The following SLCO3A1 variants were observed in gnomAD, a reference collection of about 807,000 sequenced individuals.
SLCO3A1 encodes PGE1 transporter.
In SLCO3A1, 27 loss-of-function variants were observed where a neutral mutation model predicts 63.1. The ratio of observed to expected loss-of-function variants is 0.43; its 90% confidence interval spans 0.32 to 0.59. SLCO3A1 has a LOEUF of 0.59. Among genes scored for constraint, SLCO3A1 ranks in the 20% least tolerant of loss-of-function variants. SLCO3A1 has a pLI of 0.09. For synonymous variants in SLCO3A1, 473 were observed against 409.9 expected, an observed-to-expected ratio of 1.15 and a Z score of -1.86; for missense variants, 773 against 945.8, an observed-to-expected ratio of 0.82 and a Z score of 2.40.
chr15:92,141,107 G>C (rs942773174), intron 7 of SLCO3A1, among the ~76,000 whole-genome samples: 18 of 152,100 alleles, frequency 1.2e-4, no homozygotes, highest in African/African-American at 4.3e-4. Context: ...TTAATATGAA[G>C]TGTCATGGTA....
chr15:91,986,862 A>T (rs987728294), intron 2 of SLCO3A1, among the ~76,000 whole-genome samples: 2 of 152,242 alleles, frequency 1.3e-5, no homozygotes, highest in Non-Finnish European at 2.9e-5. Flanking sequence ...GGTTGAATTT[A>T]AACTTTTAAT....
At chr15:92,147,335 CCCA>C (rs2048240838) in intron 8 of SLCO3A1, among the ~76,000 whole-genome samples, 176 bp downstream of exon 8, 1 of 152,012 alleles carries the variant, frequency 6.6e-6, no homozygotes, top group South Asian at 2.1e-4. Flanking sequence ...ATAGGGACCT[CCCA>C]CCAAGAGAAG....
At chr15:92,003,132 C>T (rs1322769128) in intron 2 of SLCO3A1, among the ~76,000 whole-genome samples, 6 of 152,194 alleles carry the variant, frequency 3.9e-5, no homozygotes, top group Admixed American at 2.6e-4. Flanking sequence ...GCCCAAGTCC[C>T]CCAGCTCTGC....
chr15:91,878,623 C>T (rs1245756459), intron 1 of SLCO3A1, among the ~76,000 whole-genome samples: 5 of 152,190 alleles, frequency 3.3e-5, no homozygotes, highest in African/African-American at 7.2e-5. Context: ...ATTCCTACCA[C>T]ACTCTGTTAT....
intron 2 of SLCO3A1, among the ~76,000 whole-genome samples, chr15:92,077,410 T>G (rs1293556192): frequency 6.6e-6 from 1 of 152,158 alleles, no homozygotes; most frequent in Non-Finnish European, 1.5e-5. Flanking sequence ...ACAGAGTCAT[T>G]TGCCCCGCCG....
At position 91,941,424 on chromosome 15, in the gene SLCO3A1, G is replaced by T; in HGVS notation, c.646+24966G>T. ...AGATCTGTGTCACGGGAGTGGCGCT[G>T]TCACTCGTTGAGGTGGTGGCCTGGT... On this transcript the variant is annotated intron_variant, in intron 2 of 9. Transcript: ENST00000318445. This position sits in a 1 kb window ranked among gnomAD's most constrained non-coding sequence, Gnocchi z 4.4. 2.4e-6 allele frequency: 1 copy of T among 414,952 alleles called. No individual in the cohort carries two copies. The highest frequency in any genetic ancestry group is 4.8e-6 in the Non-Finnish European group (1 of 208,616). 25.7% of individuals were successfully genotyped at this position (414,952 alleles called of 1,614,324 possible).
chr15:92,166,044 T>G (rs1353047020), downstream of SLCO3A1: 1 of 338,100 alleles, frequency 3.0e-6, no homozygotes, highest in Non-Finnish European at 4.2e-6. Flanking sequence ...TTGGGTTTTG[T>G]TTTGTTTTTT....
At chr15:92,171,851 G>A (rs138208260) in exon 11 of SLCO3A1, 5 of 1,551,300 alleles carry the variant, frequency 3.2e-6, no homozygotes, top group African/African-American at 1.4e-5. Flanking sequence ...AGACTCCTTT[G>A]TGAGAAGCTG....
Position 92,094,870 on chromosome 15 carries a change from T to C in SLCO3A1, c.647-11T>C. Reference sequence around the variant, plus strand: ...GTTTTGTAATCTATTTTTTTCTTCATCTTCCTTCAGGAATCCTGTTCACGA... The same window carrying C: ...GTTTTGTAATCTATTTTTTTCTTCACCTTCCTTCAGGAATCCTGTTCACGA... On this transcript the variant is annotated splice_polypyrimidine_tract_variant and intron_variant, in intron 2 of 9. Transcript: ENST00000318445. 1 of 1,597,314 alleles carries C rather than the reference T, an allele frequency of 6.3e-7. No homozygotes were observed. Among genetic ancestry groups the C allele is most frequent in the East Asian group, 2.2e-5 (1 of 44,776 alleles).
intron 6 of SLCO3A1, 82 bp downstream of exon 6, chr15:92,126,341 G>A: frequency 8.3e-7 from 1 of 1,209,640 alleles, no homozygotes; most frequent in Non-Finnish European, 1.2e-6. Flanking sequence ...GAGGGAACCA[G>A]CTTTGTTCCT....
At chr15:92,086,431 G>A (rs1472165189) in intron 2 of SLCO3A1, among the ~76,000 whole-genome samples, 7 of 151,934 alleles carry the variant, frequency 4.6e-5, no homozygotes, top group Non-Finnish European at 1.0e-4. Context: ...TGCCTATTAA[G>A]GTTTCTGTCG....
intron 2 of SLCO3A1, among the ~76,000 whole-genome samples, chr15:92,044,491 C>T (rs1180826237): frequency 6.6e-6 from 1 of 152,160 alleles, no homozygotes; most frequent in African/African-American, 2.4e-5. Context: ...TCCCTTCTCC[C>T]AGCCTTTCCC....
At chr15:92,032,275 G>C (rs2046660562) in intron 2 of SLCO3A1, among the ~76,000 whole-genome samples, 3 of 152,160 alleles carry the variant, frequency 2.0e-5, no homozygotes, top group African/African-American at 7.2e-5. Context: ...AGGGAGCAGT[G>C]GGGCCAGGTG....
chr15:92,002,678 C>T (rs1390403833), intron 2 of SLCO3A1, among the ~76,000 whole-genome samples: 1 of 152,090 alleles, frequency 6.6e-6, no homozygotes, highest in African/African-American at 2.4e-5. Context: ...TTAGTGGTAG[C>T]AATTATCTCT....
intron 2 of SLCO3A1, among the ~76,000 whole-genome samples, chr15:92,045,015 T>C (rs1292446710): frequency 6.6e-6 from 1 of 152,132 alleles, no homozygotes; most frequent in African/African-American, 2.4e-5. Context: ...AATTAAAACA[T>C]GTTGTCTGTA....
At chr15:92,062,336 A>C (rs1363239909) in intron 2 of SLCO3A1, among the ~76,000 whole-genome samples, 5 of 152,298 alleles carry the variant, frequency 3.3e-5, no homozygotes, top group Middle Eastern at 3.4e-3. Flanking sequence ...ACCTGGGTCC[A>C]AGTCGGGTCA....
exon 11 of SLCO3A1, chr15:92,172,163 A>T: frequency 3.7e-6 from 1 of 273,404 alleles, no homozygotes; most frequent in Non-Finnish European, 6.9e-6. Context: ...TCCTCTGGGG[A>T]TGGCTTGCCG....
At chr15:91,926,599 G>A (rs1175344139) in intron 2 of SLCO3A1, among the ~76,000 whole-genome samples, 32 of 145,750 alleles carry the variant, frequency 2.2e-4, no homozygotes, top group South Asian at 1.3e-3. Context: ...GTGTGTGTGC[G>A]CGCGCGCACG....
chr15:91,946,288 A>G (rs1899802837), intron 2 of SLCO3A1, among the ~76,000 whole-genome samples: 1 of 152,188 alleles, frequency 6.6e-6, no homozygotes, highest in South Asian at 2.1e-4. Context: ...GCCAGGCTGC[A>G]CGTCTTTGAT....
Sources: allele counts gnomAD v4.1 joint callset (sites outside exome capture counted in the v4.1 genomes callset), GRCh38; gene constraint gnomAD v4.1.1; non-coding constraint Gnocchi (gnomAD v3.1); transcripts MANE v1.5; gene names NCBI Gene and HGNC (gene_info 2026-07-23, HGNC 2026-07-21).